BACH2: variants seen among roughly 807,000 people sequenced by gnomAD.
BACH2 encodes the protein BACH transcriptional regulator 2, also known as transcription regulator protein BACH2.
A neutral mutation model predicts 61.8 loss-of-function variants in BACH2; 5 were observed. The ratio of observed to expected loss-of-function variants is 0.08; its 90% CI spans 0.04 to 0.17. BACH2 has a LOEUF of 0.17. BACH2 is among the 10% of genes least tolerant of loss of function. The pLI is 1.00. For missense variants in BACH2, 824 were observed against 1,091.1 expected, an observed-to-expected ratio of 0.76 and a Z score of 3.45; for synonymous variants, 446 against 440.1, an observed-to-expected ratio of 1.01 and a Z score of -0.17.
intron 4 of BACH2, among the ~76,000 whole-genome samples, chr6:90,115,116 AG>A (rs1319706981): frequency 6.6e-6 from 1 of 152,232 alleles, no homozygotes; most frequent in Non-Finnish European, 1.5e-5. Context: ...TTACAGATTC[AG>A]TGCTATTCCT....
chr6:90,083,614 T>C (rs1190675723), intron 5 of BACH2, among the ~76,000 whole-genome samples: 1 of 152,198 alleles, frequency 6.6e-6, no homozygotes, highest in African/African-American at 2.4e-5. Flanking sequence ...TGATTTCATA[T>C]ATTAGTTTTA....
At chr6:90,146,635 A>G (rs563329319) in intron 4 of BACH2, among the ~76,000 whole-genome samples, 1 of 152,378 alleles carries the variant, frequency 6.6e-6, no homozygotes, top group East Asian at 1.9e-4. Flanking sequence ...CACAAAATAG[A>G]AAATTGAAAA....
At chr6:90,009,193 T>C (rs143140783) in intron 5 of BACH2, among the ~76,000 whole-genome samples, 2 of 152,340 alleles carry the variant, frequency 1.3e-5, no homozygotes, top group East Asian at 3.9e-4. Flanking sequence ...TCTGATTTTG[T>C]TAGTAGGCTG....
At chr6:90,134,048 T>C (rs1415686277) in intron 4 of BACH2, among the ~76,000 whole-genome samples, 7 of 152,232 alleles carry the variant, frequency 4.6e-5, no homozygotes, top group Admixed American at 4.6e-4. Context: ...CCTTTGGGTA[T>C]ATACCCAGTA....
At position 90,030,592 on chromosome 6, in the gene BACH2, T is replaced by C. The variant is rs562605204; in HGVS notation, c.-12-21736A>G. ...GATAAACACCTCTACGCAAATAAAC[T>C]AGAAAATCTAGAAGAAATGGATAAA... On this transcript the variant is annotated intron_variant, in intron 5 of 8. Transcript: ENST00000257749. Among the ~76,000 whole-genome samples the C allele has an allele frequency of 4.8e-3, 737 of 152,146 alleles. 1 individual carries two copies. The highest frequency in any genetic ancestry group is 0.012 in the South Asian group (60 of 4,824).
chr6:90,284,278 A>G (rs559217778), intron 1 of BACH2, among the ~76,000 whole-genome samples: 23 of 152,254 alleles, frequency 1.5e-4, no homozygotes, highest in Non-Finnish European at 2.8e-4. Flanking sequence ...AAAAAGATGA[A>G]CGTACACCTG....
At chr6:90,100,698 C>CAG (rs1782576965) in intron 4 of BACH2, among the ~76,000 whole-genome samples, 1 of 130,790 alleles carries the variant, frequency 7.6e-6, no homozygotes, top group Non-Finnish European at 1.6e-5. Context: ...CACACACACA[C>CAG]ACAGACACAC....
intron 4 of BACH2, among the ~76,000 whole-genome samples, chr6:90,129,149 T>C (rs11962625): frequency 0.12 from 18,677 of 151,914 alleles, 2,314 homozygotes; most frequent in African/African-American, 0.32. Context: ...AGCACACCAA[T>C]ATGGCACATG....
chr6:89,993,624 A>G (rs1776694737), intron 6 of BACH2, among the ~76,000 whole-genome samples: 2 of 152,028 alleles, frequency 1.3e-5, no homozygotes, highest in South Asian at 4.1e-4. Flanking sequence ...GTCACACACC[A>G]ATTAAGTTGT....
chr6:90,274,866 T>C (rs889662746), intron 1 of BACH2, among the ~76,000 whole-genome samples: 3 of 152,200 alleles, frequency 2.0e-5, no homozygotes, highest in African/African-American at 7.2e-5. Context: ...CCTGGGGCAC[T>C]GAAGAGGCTG....
chr6:90,216,746 T>C (rs1338013165), intron 3 of BACH2, among the ~76,000 whole-genome samples: 1 of 152,152 alleles, frequency 6.6e-6, no homozygotes, highest in Non-Finnish European at 1.5e-5. Context: ...GGAGCAGAAG[T>C]TCTGAACCAG....
chr6:90,047,156 A>C (rs1779822127), intron 5 of BACH2, among the ~76,000 whole-genome samples: 1 of 152,194 alleles, frequency 6.6e-6, no homozygotes, highest in Non-Finnish European at 1.5e-5. Context: ...TCCTGACTTC[A>C]GGTGATCTGC....
chr6:89,978,229 T>C (rs1487345939), intron 6 of BACH2, among the ~76,000 whole-genome samples: 1 of 152,344 alleles, frequency 6.6e-6, no homozygotes, highest in African/African-American at 2.4e-5. Flanking sequence ...GGACATTTTA[T>C]GCTAATACAG....
intron 5 of BACH2, among the ~76,000 whole-genome samples, chr6:90,083,767 C>T (rs1035715930): frequency 1.3e-5 from 2 of 152,136 alleles, no homozygotes; most frequent in African/African-American, 4.8e-5. Context: ...GTTCTGTCCT[C>T]AGTCAAAATT....
intron 4 of BACH2, among the ~76,000 whole-genome samples, chr6:90,141,335 C>T (rs1784450838): frequency 6.6e-6 from 1 of 152,038 alleles, no homozygotes; most frequent in Admixed American, 6.5e-5. Context: ...CGCATGCCAC[C>T]ATATCCAGCT....
intron 2 of BACH2, among the ~76,000 whole-genome samples, chr6:90,262,486 TCC>T (rs1375113591): frequency 6.6e-6 from 1 of 152,184 alleles, no homozygotes; most frequent in African/African-American, 2.4e-5. Flanking sequence ...AGGACAGCAA[TCC>T]TGCCCTGTTC....
rs200675044 is a variant in BACH2 at position 90,092,280 on chromosome 6, T to TAAAAAAA, written c.-161-3178_-161-3172dup. Among the ~76,000 whole-genome samples the TAAAAAAA allele has an allele frequency of 1.6e-3, 120 of 77,028 alleles. 1 individual carries two copies. The East Asian group carries it at 0.034, about 22-fold the overall frequency. The allele number at this position is 77,028 out of a possible 152,430, so 50.5% of individuals were successfully genotyped here. On this transcript the variant is annotated intron_variant, in intron 4 of 8. Coordinates refer to ENST00000257749, the MANE Select transcript of BACH2 (RefSeq NM_021813.4). ...CTGTGCAATTGGCACACTGTCAAAG[T>TAAAAAAA]AAAAAAAAAAAATATATATATATAT...
At chr6:90,083,070 C>A (rs1781789760) in intron 5 of BACH2, among the ~76,000 whole-genome samples, 1 of 152,138 alleles carries the variant, frequency 6.6e-6, no homozygotes, top group African/African-American at 2.4e-5. Flanking sequence ...CCAGCTGCCA[C>A]AAGGCTGCAG....
At chr6:89,968,879 CGT>C (rs1775193964) in intron 6 of BACH2, among the ~76,000 whole-genome samples, 5 of 151,966 alleles carry the variant, frequency 3.3e-5, no homozygotes, top group Non-Finnish European at 7.4e-5. Flanking sequence ...GGTGTGGTGG[CGT>C]ATGCCTGTAG....
Sources: gnomAD v4.1 joint callset for allele counts (sites outside exome capture counted in the v4.1 genomes callset) on GRCh38, gnomAD v4.1.1 for gene constraint, MANE v1.5 for transcripts, NCBI Gene and HGNC (gene_info 2026-07-23, HGNC 2026-07-21) for gene names.